Variants in ZNF541 observed in about 807,000 individuals in gnomAD.
ZNF541 encodes zinc finger protein 541.
Under a neutral mutation model 123.5 loss-of-function variants are expected in ZNF541, and 23 were observed. The observed-to-expected ratio is 0.19, with a 90% CI of 0.13 to 0.26. The LOEUF (loss-of-function observed/expected upper bound fraction) is 0.26, where lower values mean the gene tolerates loss of function less well. Ranked by LOEUF, ZNF541 falls within the 10% of genes least tolerant of loss-of-function variation. ZNF541 has a pLI of 1.00. For missense variants in ZNF541, 1,612 were observed against 1,789.9 expected, an observed-to-expected ratio of 0.90 and a Z score of 1.79; for synonymous variants, 751 against 754.5, an observed-to-expected ratio of 1.00 and a Z score of 0.08.
In ZNF541 at chr19:47,544,794, GGGA is replaced by G. The variant is rs1970251167; in HGVS notation, c.1732_1734del (p.Ser578del). The G allele has an allele frequency of 7.9e-6, 12 of 1,526,794 alleles. No homozygotes were observed. The highest frequency in any genetic ancestry group is 1.1e-5 in the Non-Finnish European group (12 of 1,141,188). The allele number at this position is 1,526,794 out of a possible 1,614,324, so 94.6% of individuals were successfully genotyped here. A position where few individuals can be genotyped will look rare whatever the true frequency, so the allele number is the denominator to read the frequency against. On this transcript the variant is annotated inframe_deletion, in exon 5 of 17. Transcript: ENST00000391901. ...GGTTTGCCCTCGGGCGCAGGGAGCT[GGGA>G]GGAGACTGCTGCCACCTGGGCATGG...
intron 14 of ZNF541, among the ~76,000 whole-genome samples, chr19:47,528,339 A>C (rs1419803474): frequency 2.1e-5 from 3 of 145,604 alleles, no homozygotes; most frequent in African/African-American, 7.6e-5. Context: ...AAAAAAAGAG[A>C]CAGAGTCCTA....
intron 14 of ZNF541, among the ~76,000 whole-genome samples, chr19:47,527,859 C>G (rs769027879): frequency 6.6e-6 from 1 of 151,374 alleles, no homozygotes; most frequent in Non-Finnish European, 1.5e-5. Flanking sequence ...GCCACCATGC[C>G]CAGCTAATTT....
intron 4 of ZNF541, 87 bp from the exon 5 acceptor site, chr19:47,546,067 T>C: frequency 3.4e-6 from 4 of 1,181,334 alleles, no homozygotes; most frequent in Non-Finnish European, 4.5e-6. Context: ...CAAAAGTCTG[T>C]GGTACAGTTG....
chr19:47,570,895 C>T (rs540953695), intron 2 of ZNF541, among the ~76,000 whole-genome samples: 103 of 150,018 alleles, frequency 6.9e-4, no homozygotes, highest in African/African-American at 2.3e-3. Context: ...TTGCAGTGAG[C>T]CGAGATCGCA....
rs1222790055 is a variant in ZNF541 at position 47,544,611 on chromosome 19, G to C, written c.1918C>G (p.Pro640Ala). The change falls in exon 5 of 17, where the codon CCC (proline) becomes GCC (alanine). Residue 640 changes from proline (P) to alanine (A), a missense_variant. By Grantham distance (27) the Pro-to-Ala change is conservative. Around this residue, in one of 5 missense-constraint regions of ZNF541, gnomAD observed 1,080 missense variants for 1,013.8 expected, o/e 1.07. Transcript: ENST00000391901. Reference sequence around the variant, plus strand: ...TTTGCGTCTCGTCTCGTGCTGCCGGGGGAGGCCTCTCTGGGAACCCCGGGT... The same window carrying C: ...TTTGCGTCTCGTCTCGTGCTGCCGGCGGAGGCCTCTCTGGGAACCCCGGGT... ...TTPGVPREAS[P>A]GSTRRDAKGG... is the part of the protein sequence containing the mutation. The C allele has an allele frequency of 1.9e-6, 3 of 1,551,022 alleles. No individual in the cohort carries two copies. The highest frequency in any genetic ancestry group is 2.6e-6 in the Non-Finnish European group (3 of 1,146,966).
rs1405844385 is a variant in ZNF541, at chr19:47,545,940, C to T, written c.589G>A (p.Val197Met). The T allele has an allele frequency of 6.6e-7, 1 of 1,511,526 alleles. No individual in the cohort carries two copies. The highest frequency in any genetic ancestry group is 8.9e-7 in the Non-Finnish European group (1 of 1,124,232). 93.6% of individuals were successfully genotyped at this position (1,511,526 alleles called of 1,614,324 possible). A position where few individuals can be genotyped will look rare whatever the true frequency, so the allele number is the denominator to read the frequency against. Reference sequence around the variant, plus strand: ...TTGCTGCAGCCCTGCTCGATGCACACGAAGGGCTTTGTCTTCTGGTGGGTG... The same window carrying T: ...TTGCTGCAGCCCTGCTCGATGCACATGAAGGGCTTTGTCTTCTGGTGGGTG... Reference protein sequence around the residue: ...MLTHQKTKPFVCIEQGCSKSY... With the variant: ...MLTHQKTKPFMCIEQGCSKSY... The change falls in exon 5 of 17, where the codon GTG (valine) becomes ATG (methionine). Residue 197 changes from valine (V) to methionine (M), a missense_variant. Around this residue, in one of 5 missense-constraint regions of ZNF541, gnomAD observed 212 missense variants for 289.6 expected, o/e 0.73. Transcript: ENST00000391901. This position sits in a 1 kb window ranked among gnomAD's most constrained non-coding sequence, Gnocchi z 7.5.
In ZNF541 at chr19:47,521,016, G is replaced by C; in HGVS notation, c.*208C>G. The C allele has an allele frequency of 1.7e-6, 1 of 593,364 alleles. No individual in the cohort carries two copies. The highest frequency in any genetic ancestry group is 2.9e-6 in the Non-Finnish European group (1 of 339,760). 36.8% of individuals were successfully genotyped at this position (593,364 alleles called of 1,614,324 possible). On this transcript the variant is annotated 3_prime_UTR_variant, in exon 17 of 17. Coordinates refer to ENST00000391901, the MANE Select transcript of ZNF541 (RefSeq NM_001277075.3). The surrounding 1 kb of genome is among the most constrained non-coding windows in gnomAD (Gnocchi z 4.2). ...GAACCTAAGGAGAGTGGAGCCTCCA[G>C]CACCACCGGACAGGGACTGCATAGC... is the stretch of plus-strand genomic sequence containing the variant.
At chr19:47,562,889 A>C (rs1568521719) in intron 2 of ZNF541, among the ~76,000 whole-genome samples, 1 of 152,158 alleles carries the variant, frequency 6.6e-6, no homozygotes. Flanking sequence ...GTTGATGAAC[A>C]TTTGGGTTAC....
At position 47,540,343 on chromosome 19, in the gene ZNF541, A is replaced by T. The variant is rs1276709849; in HGVS notation, c.2463-8T>A. The T allele has an allele frequency of 6.5e-7, 1 of 1,549,098 alleles. No homozygotes were observed. The highest frequency in any genetic ancestry group is 2.4e-5 in the East Asian group (1 of 40,858). On this transcript the variant is annotated splice_polypyrimidine_tract_variant and splice_region_variant and intron_variant, in intron 6 of 16. Transcript: ENST00000391901. ...CTGCCGTTTTGCTGGTTACTGTGGG[A>T]CATGGCAGGAAAGAAGAGTGGGAGA... is the stretch of plus-strand genomic sequence containing the variant.
At chr19:47,562,605 C>T (rs1971110356) in intron 2 of ZNF541, among the ~76,000 whole-genome samples, 1 of 152,062 alleles carries the variant, frequency 6.6e-6, no homozygotes, top group Admixed American at 6.6e-5. Flanking sequence ...GTCCAGTTTT[C>T]GAATCATGGA....
Position 47,544,450 on chromosome 19 carries a change from G to C in ZNF541, c.2079C>G (p.Phe693Leu), listed in dbSNP as rs776910248. 75 of 1,551,572 alleles carry C rather than the reference G, an allele frequency of 4.8e-5. No homozygotes were observed. The Admixed American group carries it at 1.4e-3, about 28-fold the overall frequency. The part of the protein sequence containing the change: ...SKGTLDLEDI[F>L]PSTGQRQTQL... Reference sequence around the variant, plus strand: ...GGGTCTGCCGTTGGCCTGTGGAGGGGAAGATGTCCTCCAGGTCCAAGGTCC... The same window carrying C: ...GGGTCTGCCGTTGGCCTGTGGAGGGCAAGATGTCCTCCAGGTCCAAGGTCC... The change falls in exon 5 of 17, where the codon TTC becomes TTG. Residue 693 changes from phenylalanine (F) to leucine (L), a missense_variant. Physicochemically the swap from Phe to Leu is conservative, Grantham distance 22. Around this residue, in one of 5 missense-constraint regions of ZNF541, gnomAD observed 1,080 missense variants for 1,013.8 expected, o/e 1.07. Transcript: ENST00000391901.
At chr19:47,556,749 T>C (rs1761603585) in intron 2 of ZNF541, among the ~76,000 whole-genome samples, 1 of 150,140 alleles carries the variant, frequency 6.7e-6, no homozygotes, top group Non-Finnish European at 1.5e-5. Flanking sequence ...ATGATAATTT[T>C]TTTTCTTTTC....
chr19:47,551,680 C>T (rs1481535154), intron 3 of ZNF541, among the ~76,000 whole-genome samples: 1 of 150,266 alleles, frequency 6.7e-6, no homozygotes, highest in African/African-American at 2.5e-5. Flanking sequence ...CACGGGCCAC[C>T]ACCACCCCAG....
intron 2 of ZNF541, among the ~76,000 whole-genome samples, chr19:47,566,856 C>T (rs1971284193): frequency 6.6e-6 from 1 of 151,718 alleles, no homozygotes; most frequent in Admixed American, 6.6e-5. Context: ...TTGAGACCAT[C>T]CTGGCTAACA....
rs770385744 is a variant in ZNF541 at position 47,538,358 on chromosome 19, T to C, written c.2878A>G (p.Thr960Ala). Residue 960 changes from threonine to alanine, a missense_variant, in exon 9 of 17, where the codon ACG (threonine) becomes GCG (alanine). This residue lies in a region of ZNF541 where 1,080 missense variants were observed against 1,013.8 expected (regional missense o/e 1.07). Coordinates refer to ENST00000391901, the MANE Select transcript of ZNF541 (RefSeq NM_001277075.3). The stretch of plus-strand genomic sequence containing the variant: ...CCTGCAGGGCCAGGCTCCCCAGCCG[T>C]GGAGGGTGGGGGCCGCTTCTTCCGC... ...RKRKKRPPPS[T>A]AGEPGPAGCH... 1 of 1,544,572 alleles carries C rather than the reference T, an allele frequency of 6.5e-7. No homozygotes were observed. Among genetic ancestry groups the C allele is most frequent in the Non-Finnish European group, 8.7e-7 (1 of 1,143,150 alleles).
At position 47,542,664 on chromosome 19, in the gene ZNF541, T is replaced by C. The variant is rs189430318; in HGVS notation, c.2403+1462A>G. On this transcript the variant is annotated intron_variant, in intron 5 of 16. Transcript: ENST00000391901. ...GAGAGACTCCGTCTCAAAAATAAAT[T>C]TGGCCAGGCACAGTGGCTCACACCT... Among the ~76,000 whole-genome samples the C allele has an allele frequency of 3.4e-4, 49 of 146,152 alleles. 2 individuals are homozygous for C. The highest frequency in any genetic ancestry group is 2.2e-3 in the Admixed American group (32 of 14,704).
chr19:47,542,967 A>T (rs1365878671), intron 5 of ZNF541, among the ~76,000 whole-genome samples: 2 of 151,964 alleles, frequency 1.3e-5, no homozygotes, highest in African/African-American at 2.4e-5. Context: ...AAATAAATTT[A>T]AAAAATAAAA....
Position 47,544,310 on chromosome 19 carries a change from C to T in ZNF541, c.2219G>A (p.Gly740Asp). 1 of 1,551,654 alleles carries T rather than the reference C, an allele frequency of 6.4e-7. No individual in the cohort carries two copies. The highest frequency in any genetic ancestry group is 1.7e-4 in the Middle Eastern group (1 of 5,990). ...KGEKGPACSR[G>D]GGYRLLGNPR... Reference sequence around the variant, plus strand: ...GTTGCCCAAGAGCCGGTAGCCTCCACCCCGGGAGCAGGCTGGGCCCTTTTC... The same window carrying T: ...GTTGCCCAAGAGCCGGTAGCCTCCATCCCGGGAGCAGGCTGGGCCCTTTTC... Residue 740 changes from glycine (G) to aspartate (D), a missense_variant, in exon 5 of 17, where the codon GGT becomes GAT. This residue lies in a region of ZNF541 where 1,080 missense variants were observed against 1,013.8 expected (regional missense o/e 1.07). Coordinates refer to ENST00000391901, the MANE Select transcript of ZNF541 (RefSeq NM_001277075.3).
intron 2 of ZNF541, among the ~76,000 whole-genome samples, chr19:47,561,391 T>C (rs1352681122): frequency 6.6e-6 from 1 of 152,036 alleles, no homozygotes; most frequent in Non-Finnish European, 1.5e-5. Context: ...TGAGCTATGA[T>C]TGCGCCACTG....
Sources: allele counts gnomAD v4.1 joint callset (sites outside exome capture counted in the v4.1 genomes callset), GRCh38; gene constraint gnomAD v4.1.1; regional missense constraint gnomAD v4.1.1; non-coding constraint Gnocchi (gnomAD v3.1); transcripts MANE v1.5; gene names NCBI Gene and HGNC (gene_info 2026-07-23, HGNC 2026-07-21).